PCDHA12: variants seen among roughly 807,000 people sequenced by gnomAD.
The protein encoded by PCDHA12 is protocadherin alpha-12.
In PCDHA12, 44 loss-of-function variants were observed where a neutral mutation model predicts 60.0. The ratio of observed to expected loss-of-function variants is 0.73; its 90% CI spans 0.58 to 0.94. The LOEUF is 0.94. Among genes scored for constraint, PCDHA12 ranks in the 40% least tolerant of loss-of-function variants. The pLI is 0.00. For missense variants in PCDHA12, 1,276 were observed against 1,239.7 expected (o/e 1.03, Z -0.44); for synonymous variants, 569 against 553.0 (o/e 1.03, Z -0.40).
Position 140,877,166 on chromosome 5 carries a change from TGCTGGCGACTCCG to T in PCDHA12, c.1701_1713del (p.Thr568AlafsTer80), listed in dbSNP as rs2056906844. The T allele has an allele frequency of 1.9e-6, 3 of 1,613,836 alleles. No individual in the cohort carries two copies. In the East Asian group the frequency reaches 6.7e-5, roughly 36 times the overall value. On this transcript the variant is annotated frameshift_variant, in exon 1 of 4. Coordinates refer to ENST00000398631, the MANE Select transcript of PCDHA12 (RefSeq NM_018903.4). LOFTEE classifies it high-confidence loss of function. The stretch of plus-strand genomic sequence containing the variant: ...GACGAGAACGACAACGCGCCGGCAC[TGCTGGCGACTCCG>T]GCTGGCAGCGCAGGAGGCGCAGTTA...
chr5:140,928,563 T>C lies in PCDHA12; in HGVS notation c.2368-50386T>C, dbSNP rs138980511. 9.3e-4 allele frequency: 1,498 copies of C among 1,614,116 alleles called. 1 individual carries two copies. Among genetic ancestry groups the C allele is most frequent in the Non-Finnish European group, 1.2e-3 (1,397 of 1,180,050 alleles). On this transcript the variant is annotated intron_variant, in intron 1 of 3. Coordinates refer to ENST00000398631, the MANE Select transcript of PCDHA12 (RefSeq NM_018903.4). ...ATGACAATTATCCGGTTATCTTGTT[T>C]CCCTTGCCCAGAAATGGTTCTGTCC...
chr5:140,935,080 C>G (rs1163743447), intron 1 of PCDHA12, among the ~76,000 whole-genome samples: 2 of 152,076 alleles, frequency 1.3e-5, no homozygotes, highest in Non-Finnish European at 2.9e-5. Context: ...TGTACATTTC[C>G]TTTCCCAGAA....
intron 2 of PCDHA12, among the ~76,000 whole-genome samples, chr5:140,979,612 G>A (rs1223690856): frequency 6.6e-6 from 1 of 152,042 alleles, no homozygotes; most frequent in Admixed American, 6.6e-5. Flanking sequence ...CTAGAGTAAC[G>A]GTATTAGTCT....
intron 1 of PCDHA12, among the ~76,000 whole-genome samples, chr5:140,892,875 G>A (rs1041608064): frequency 1.3e-5 from 2 of 152,022 alleles, no homozygotes; most frequent in Non-Finnish European, 2.9e-5. Flanking sequence ...CTATAATTTC[G>A]TATCCATTAA....
rs782082764 is a variant in PCDHA12, at chr5:140,875,921, C to T, written c.449C>T (p.Ser150Phe). Residue 150 changes from serine to phenylalanine, a missense_variant, in exon 1 of 4, where the codon TCT becomes TTT. By Grantham distance (155) the Ser-to-Phe change is radical. Coordinates refer to ENST00000398631, the MANE Select transcript of PCDHA12 (RefSeq NM_018903.4). ...GTTTCTGAATCTGCGCCTCTGGACT[C>T]TCATTTTCCTCTAGAGGGCGCTTCT... ...VPVSESAPLD[S>F]HFPLEGASDA... The T allele has an allele frequency of 3.5e-5, 57 of 1,614,110 alleles. No homozygotes were observed. The highest frequency in any genetic ancestry group is 4.8e-5 in the Non-Finnish European group (57 of 1,180,056).
intron 3 of PCDHA12, among the ~76,000 whole-genome samples, chr5:140,992,722 C>T (rs1455058842): frequency 1.3e-5 from 2 of 152,154 alleles, no homozygotes; most frequent in Non-Finnish European, 2.9e-5. Context: ...ATTCGTAAAT[C>T]CCACCTGCTT....
chr5:140,989,948 C>T (rs1046056940), intron 3 of PCDHA12, among the ~76,000 whole-genome samples: 2 of 151,988 alleles, frequency 1.3e-5, no homozygotes, highest in Admixed American at 6.6e-5. Context: ...ACGTTTTTCT[C>T]GGTGAGACCA....
rs369541654 is a variant in PCDHA12 at position 141,010,673 on chromosome 5, A to G, written c.*736A>G. On this transcript the variant is annotated 3_prime_UTR_variant, in exon 4 of 4. Coordinates refer to ENST00000398631, the MANE Select transcript of PCDHA12 (RefSeq NM_018903.4). ...TTTTAACAGAGAACCACCCTGGGAAACAGAAGCAGATCTGATGTGTTTCCT... is the reference window on the plus strand; with the variant it reads ...TTTTAACAGAGAACCACCCTGGGAAGCAGAAGCAGATCTGATGTGTTTCCT... 8.1e-4 allele frequency: 133 copies of G among 163,824 alleles called. No individual in the cohort carries two copies. Among genetic ancestry groups the G allele is most frequent in the Non-Finnish European group, 5.5e-4 (41 of 74,388 alleles). 10.1% of individuals were successfully genotyped at this position (163,824 alleles called of 1,614,324 possible). A position where few individuals can be genotyped will look rare whatever the true frequency, so the allele number is the denominator to read the frequency against.
At chr5:140,884,689 T>C (rs1290961484) in intron 1 of PCDHA12, 11 of 1,534,282 alleles carry the variant, frequency 7.2e-6, no homozygotes, top group Non-Finnish European at 9.6e-6. Flanking sequence ...AAAAATTGTC[T>C]TAGTAAACAC....
At chr5:140,931,444 A>T (rs2087532526) in intron 1 of PCDHA12, among the ~76,000 whole-genome samples, 1 of 135,860 alleles carries the variant, frequency 7.4e-6, no homozygotes, top group Non-Finnish European at 1.6e-5. Context: ...TTAGCTATTT[A>T]AAAGGAAAAA....
At chr5:141,007,227 A>G (rs1458505596) in intron 3 of PCDHA12, among the ~76,000 whole-genome samples, 1 of 151,972 alleles carries the variant, frequency 6.6e-6, no homozygotes, top group Non-Finnish European at 1.5e-5. Flanking sequence ...CAAAATAAGA[A>G]GGATTGTTGA....
intron 1 of PCDHA12, among the ~76,000 whole-genome samples, chr5:140,972,062 A>G (rs1398109338): frequency 6.6e-6 from 1 of 152,246 alleles, no homozygotes; most frequent in Admixed American, 6.5e-5. Flanking sequence ...AGTCGTATAT[A>G]TTAACTGCTT....
chr5:140,966,923 G>A (rs781929029), intron 1 of PCDHA12: 36 of 1,602,826 alleles, frequency 2.2e-5, no homozygotes, highest in Non-Finnish European at 3.0e-5. Context: ...AGAGGAGCAG[G>A]CACCCGGCGC....
chr5:140,931,209 A>C (rs1554208285), intron 1 of PCDHA12, among the ~76,000 whole-genome samples: 1 of 152,184 alleles, frequency 6.6e-6, no homozygotes, highest in African/African-American at 2.4e-5. Context: ...CTAGTATTTC[A>C]GGTATCAGAG....
At chr5:140,935,402 A>T (rs1297077002) in intron 1 of PCDHA12, among the ~76,000 whole-genome samples, 2 of 152,212 alleles carry the variant, frequency 1.3e-5, no homozygotes, top group Non-Finnish European at 2.9e-5. Flanking sequence ...ACGGGACTCA[A>T]ACAATGGACT....
chr5:140,883,068 C>T lies in PCDHA12; in HGVS notation c.2367+5229C>T, dbSNP rs782726947. The stretch of plus-strand genomic sequence containing the variant: ...ACATTAGTGATCAAGCTAAATGCCA[C>T]AGATCCTGATGATGGTACAAATGGA... On this transcript the variant is annotated intron_variant, in intron 1 of 3. Coordinates refer to ENST00000398631, the MANE Select transcript of PCDHA12 (RefSeq NM_018903.4). The T allele has an allele frequency of 1.4e-5, 23 of 1,614,130 alleles. No homozygotes were observed. The highest frequency in any genetic ancestry group is 1.9e-5 in the Non-Finnish European group (23 of 1,180,028).
chr5:140,951,716 C>T (rs2094623458), intron 1 of PCDHA12, among the ~76,000 whole-genome samples: 1 of 152,102 alleles, frequency 6.6e-6, no homozygotes, highest in South Asian at 2.1e-4. Flanking sequence ...GGACACAGAT[C>T]CAAACCATGT....
intron 1 of PCDHA12, chr5:140,968,380 C>T: frequency 6.2e-7 from 1 of 1,614,072 alleles, no homozygotes; most frequent in Non-Finnish European, 8.5e-7. Context: ...ACTCCTTTGA[C>T]TATGAGAAGT....
At chr5:140,982,439 G>T in intron 2 of PCDHA12, 36 bp from the exon 3 acceptor site, 1 of 1,613,560 alleles carries the variant, frequency 6.2e-7, no homozygotes, top group Non-Finnish European at 8.5e-7. Context: ...AAGAATTTAT[G>T]ATCTAACCGT....
Sources: allele counts gnomAD v4.1 joint callset (sites outside exome capture counted in the v4.1 genomes callset), GRCh38; gene constraint gnomAD v4.1.1; transcripts MANE v1.5; gene names NCBI Gene and HGNC (gene_info 2026-07-23, HGNC 2026-07-21).